The following TMPRSS9 variants were observed in gnomAD, a reference collection of about 807,000 sequenced individuals.
The protein encoded by TMPRSS9 is transmembrane protease serine 9.
Under a neutral mutation model 111.4 loss-of-function variants are expected in TMPRSS9, and 113 were observed. The observed-to-expected ratio is 1.01, with a 90% CI of 0.87 to 1.19. The LOEUF (loss-of-function observed/expected upper bound fraction) is 1.19. Ranked by LOEUF, TMPRSS9 falls within the 50% of genes most tolerant of loss-of-function variation. The pLI, the probability that TMPRSS9 is intolerant of heterozygous loss-of-function variation, is 0.00. For missense variants in TMPRSS9, 1,803 were observed against 1,513.1 expected, an observed-to-expected ratio of 1.19 and a Z score of -3.18; for synonymous variants, 805 against 659.1, an observed-to-expected ratio of 1.22 and a Z score of -3.39.
Position 2,425,282 on chromosome 19 carries a change from G to T in TMPRSS9, c.2983+15G>T. The T allele has an allele frequency of 8.1e-7, 1 of 1,232,532 alleles. No homozygotes were observed. Among genetic ancestry groups the T allele is most frequent in the South Asian group, 2.3e-5 (1 of 43,058 alleles). The allele number at this position is 1,232,532 out of a possible 1,614,324, so 76.3% of individuals were successfully genotyped here. ...GCGCGAAGGAGGTAGGCGCGCCCGG[G>T]GCCGCGGTGGTGCGGGGCTCGGGGG... On this transcript the variant is annotated intron_variant, in intron 16 of 17. Transcript: ENST00000648592.
chr19:2,421,194 G>A (rs759298817), intron 13 of TMPRSS9, among the ~76,000 whole-genome samples: 28 of 151,998 alleles, frequency 1.8e-4, no homozygotes, highest in Non-Finnish European at 3.4e-4. Context: ...CAACAAGAGC[G>A]AGACTCTGCC....
At chr19:2,415,877 T>C (rs560698631) in intron 11 of TMPRSS9, 36 bp downstream of exon 12, 240 of 1,538,858 alleles carry the variant, frequency 1.6e-4, no homozygotes, top group South Asian at 3.6e-4. Context: ...CTGCCCGGCT[T>C]CCCCTCCTCA....
At chr19:2,419,878 C>T (rs1971424053) in intron 13 of TMPRSS9, among the ~76,000 whole-genome samples, 10 of 152,176 alleles carry the variant, frequency 6.6e-5, no homozygotes, top group Admixed American at 6.6e-4. Context: ...GGTTAATTTT[C>T]AGGCTGGGTG....
At chr19:2,405,282 T>G in intron 6 of TMPRSS9, 92 bp from the exon 8 acceptor site, 1 of 1,452,844 alleles carries the variant, frequency 6.9e-7, no homozygotes, top group Non-Finnish European at 9.0e-7. Context: ...ACTTAGGGAC[T>G]GTAGACGAGA....
At chr19:2,425,642 G>T (rs1437944344) in intron 17 of TMPRSS9, 149 bp downstream of exon 18, 3 of 1,355,336 alleles carry the variant, frequency 2.2e-6, no homozygotes, top group Non-Finnish European at 2.9e-6. Flanking sequence ...GGCTCTGGAG[G>T]AATTTCCACT....
exon 14 of TMPRSS9, chr19:2,422,229 A>G: frequency 6.6e-7 from 1 of 1,511,820 alleles, no homozygotes; most frequent in South Asian, 1.3e-5. Flanking sequence ...GGAGGCCACC[A>G]CACACACCCA....
chr19:2,422,230 C>A (rs745595748), exon 14 of TMPRSS9: 2 of 1,512,196 alleles, frequency 1.3e-6, no homozygotes, highest in South Asian at 2.6e-5. Flanking sequence ...GAGGCCACCA[C>A]ACACACCCAG....
intron 1 of TMPRSS9, among the ~76,000 whole-genome samples, chr19:2,369,219 A>C (rs558291208): frequency 1.3e-5 from 2 of 152,254 alleles, no homozygotes; most frequent in East Asian, 3.9e-4. Flanking sequence ...TGATGGGATT[A>C]CAGGCGTGAG....
intron 10 of TMPRSS9, among the ~76,000 whole-genome samples, chr19:2,414,942 T>C (rs1019855221): frequency 3.0e-5 from 3 of 101,438 alleles, no homozygotes; most frequent in South Asian, 5.9e-4. Flanking sequence ...TGCATTCCTA[T>C]TTTTTTTTTT....
chr19:2,380,523 C>A (rs1465146641), intron 1 of TMPRSS9, among the ~76,000 whole-genome samples: 1 of 150,138 alleles, frequency 6.7e-6, no homozygotes, highest in African/African-American at 2.5e-5. Flanking sequence ...ATCACTTGAA[C>A]CTGAGAGGCA....
At chr19:2,415,767 A>G in exon 11 of TMPRSS9, 1 of 1,610,598 alleles carries the variant, frequency 6.2e-7, no homozygotes, top group Non-Finnish European at 8.5e-7. Flanking sequence ...GCCTGAAGGA[A>G]GGGTCCCGGC....
intron 2 of TMPRSS9, among the ~76,000 whole-genome samples, chr19:2,396,913 G>T (rs910696369): frequency 9.5e-4 from 139 of 146,428 alleles, no homozygotes; most frequent in Non-Finnish European, 2.0e-4. Context: ...ACATTTAGAG[G>T]TTTTTTTTTT....
intron 1 of TMPRSS9, among the ~76,000 whole-genome samples, chr19:2,360,761 G>A (rs888106067): frequency 3.3e-5 from 5 of 151,924 alleles, no homozygotes; most frequent in Non-Finnish European, 7.4e-5. Flanking sequence ...GGCCGGGGTT[G>A]TGTGGACTCA....
intron 1 of TMPRSS9, among the ~76,000 whole-genome samples, chr19:2,378,713 G>A (rs113971864): frequency 0.1 from 15,705 of 152,086 alleles, 1,548 homozygotes; most frequent in African/African-American, 0.27. Context: ...GCGAGACTCC[G>A]TCTAAAAACA....
At chr19:2,417,401 G>A (rs1971268485) in intron 12 of TMPRSS9, among the ~76,000 whole-genome samples, 9 of 151,736 alleles carry the variant, frequency 5.9e-5, no homozygotes. Flanking sequence ...GGGAGGCAGA[G>A]GCTGCAGTGA....
chr19:2,382,603 CAG>C (rs1970397907), intron 1 of TMPRSS9, among the ~76,000 whole-genome samples: 1 of 109,812 alleles, frequency 9.1e-6, no homozygotes, highest in Non-Finnish European at 1.7e-5. Context: ...CACACACACA[CAG>C]ACACATGCAC....
rs577391006 is a variant in TMPRSS9 at position 2,363,244 on chromosome 19, G to C, written c.-26+2884G>C. ...CTTTGCAGAATTTGGAATGTTTAGG[G>C]TGTAAAATACGGAGCTTGGAGAGTC... On this transcript the variant is annotated intron_variant, in intron 1 of 17. Coordinates refer to the TMPRSS9 transcript ENST00000649857. Among the ~76,000 whole-genome samples the C allele has an allele frequency of 1.3e-4, 20 of 152,328 alleles. 1 individual carries two copies. The South Asian group carries it at 4.1e-3, about 32-fold the overall frequency.
rs77800897 is a variant in TMPRSS9 at position 2,410,225 on chromosome 19, T to C, written c.1118-33T>C. Reference sequence around the variant, plus strand: ...AAAGTGGCTGCCAGGGCTCCGGCACTCTCACCCTGCTTTTCTCTCCCCATT... The same window carrying C: ...AAAGTGGCTGCCAGGGCTCCGGCACCCTCACCCTGCTTTTCTCTCCCCATT... On this transcript the variant is annotated intron_variant, in intron 8 of 17. Transcript: ENST00000648592. The C allele has an allele frequency of 3.1e-6, 5 of 1,611,656 alleles. No individual in the cohort carries two copies. The East Asian group carries it at 6.7e-5, about 22-fold the overall frequency.
chr19:2,393,129 C>T (rs537826026), intron 1 of TMPRSS9, among the ~76,000 whole-genome samples: 21 of 152,254 alleles, frequency 1.4e-4, no homozygotes, highest in African/African-American at 4.8e-4. Context: ...GGAATAAAAG[C>T]GGACTGCTGG....
Sources: allele counts gnomAD v4.1 joint callset (sites outside exome capture counted in the v4.1 genomes callset), GRCh38; gene constraint gnomAD v4.1.1; transcripts MANE v1.5; gene names NCBI Gene and HGNC (gene_info 2026-07-23, HGNC 2026-07-21).